CDH23: variants seen among roughly 807,000 people sequenced by gnomAD.
CDH23 encodes cadherin-23.
A neutral mutation model predicts 317.1 loss-of-function variants in CDH23; 189 were observed. The ratio of observed to expected loss-of-function variants is 0.60; its 90% CI spans 0.53 to 0.67. CDH23 has a LOEUF of 0.67. Ranked by LOEUF, CDH23 falls within the 30% of genes least tolerant of loss-of-function variation. The pLI is 0.00. For synonymous variants in CDH23, 1,839 were observed against 1,876.8 expected (o/e 0.98, Z 0.52); for missense variants, 4,401 against 4,592.4 (o/e 0.96, Z 1.20).
intron 66 of CDH23, chr10:71,812,271 C>T (rs189815217): frequency 1.1e-4 from 183 of 1,599,350 alleles, no homozygotes; most frequent in African/African-American, 1.0e-3. Flanking sequence ...AGCCTCTGCA[C>T]CAAAGGCAAT....
At chr10:71,465,254 G>T (rs757456892) in intron 3 of CDH23, among the ~76,000 whole-genome samples, 34 of 152,246 alleles carry the variant, frequency 2.2e-4, no homozygotes, top group Non-Finnish European at 4.0e-4. Context: ...GTTGCACAGC[G>T]CTGGTATAGA....
chr10:71,785,170 C>A, intron 43 of CDH23, 70 bp downstream of exon 43: 4 of 1,329,870 alleles, frequency 3.0e-6, no homozygotes, highest in Non-Finnish European at 4.2e-6. Flanking sequence ...GCCCTAGAGG[C>A]TTTTCTGCTG....
intron 9 of CDH23, among the ~76,000 whole-genome samples, chr10:71,582,014 C>T (rs111444401): frequency 8.5e-5 from 13 of 152,324 alleles, no homozygotes; most frequent in South Asian, 2.1e-4. Flanking sequence ...CTGTGGTCCT[C>T]GCCCGTGGAA....
At chr10:71,548,980 C>T (rs111276626) in intron 6 of CDH23, among the ~76,000 whole-genome samples, 95 of 152,356 alleles carry the variant, frequency 6.2e-4, no homozygotes, top group Middle Eastern at 6.8e-3. Context: ...CAAGAGCAAG[C>T]GTAATTAGTA....
chr10:71,562,365 C>T (rs553308333), intron 6 of CDH23, among the ~76,000 whole-genome samples: 68 of 152,286 alleles, frequency 4.5e-4, no homozygotes, highest in African/African-American at 1.3e-3. Context: ...TGTCTGGAGA[C>T]GGTTAAAAAG....
chr10:71,773,000 C>A (rs954752863), intron 38 of CDH23, among the ~76,000 whole-genome samples: 6 of 152,228 alleles, frequency 3.9e-5, no homozygotes, highest in Non-Finnish European at 8.8e-5. Flanking sequence ...CCAGTGATAT[C>A]CACCAGAACA....
chr10:71,537,514 A>G (rs1468588883), intron 6 of CDH23, among the ~76,000 whole-genome samples: 1 of 152,252 alleles, frequency 6.6e-6, no homozygotes, highest in Non-Finnish European at 1.5e-5. Context: ...AGCCAGGAGT[A>G]GCTTGGCCTC....
intron 69 of CDH23, among the ~76,000 whole-genome samples, chr10:71,813,622 C>T (rs1485628008): frequency 6.6e-6 from 1 of 152,038 alleles, no homozygotes; most frequent in Non-Finnish European, 1.5e-5. Context: ...CTTTAAGAAA[C>T]CCGGCTGGGT....
chr10:71,501,253 G>T (rs948595667), intron 3 of CDH23, among the ~76,000 whole-genome samples: 1 of 152,178 alleles, frequency 6.6e-6, no homozygotes, highest in Admixed American at 6.5e-5. Flanking sequence ...CAGAGTAAAT[G>T]AATGAAAACC....
rs1227697901 is a variant in CDH23 at position 71,805,965 on chromosome 10, C to T, written c.8032C>T (p.Arg2678Cys). The change falls in exon 56 of 70, where the codon CGC becomes TGC. Residue 2678 changes from arginine (R) to cysteine (C), a missense_variant. By Grantham distance (180) the Arg-to-Cys change is radical. Around this residue, in one of 3 missense-constraint regions of CDH23, gnomAD observed 1,144 missense variants for 1,138.2 expected, o/e 1.01. Transcript: ENST00000224721. ...CAGCGGCCTCATCCAGACTGCTCAG[C>T]GCCTGGACCGCGAGTCGCAGGCGGT... ...PISGLIQTAQ[R>C]LDRESQAVYS... 1.2e-6 allele frequency: 2 copies of T among 1,612,246 alleles called. No individual in the cohort carries two copies. The highest frequency in any genetic ancestry group is 1.3e-5 in the African/African-American group (1 of 74,752).
At chr10:71,574,142 C>T (rs952155104) in intron 8 of CDH23, among the ~76,000 whole-genome samples, 1 of 152,052 alleles carries the variant, frequency 6.6e-6, no homozygotes, top group Non-Finnish European at 1.5e-5. Context: ...CCTCTGCTGC[C>T]CCGGGGCCCC....
chr10:71,536,903 A>G (rs373497184), intron 6 of CDH23, among the ~76,000 whole-genome samples: 66 of 152,242 alleles, frequency 4.3e-4, no homozygotes, highest in Middle Eastern at 6.8e-3. Flanking sequence ...TCCTCTTGCC[A>G]TGGGAGACCT....
chr10:71,562,711 C>T (rs1287491148), intron 6 of CDH23, among the ~76,000 whole-genome samples: 1 of 152,210 alleles, frequency 6.6e-6, no homozygotes, highest in African/African-American at 2.4e-5. Context: ...GGGCAGGAGA[C>T]AAAGTCAGCG....
At position 71,679,237 on chromosome 10, in the gene CDH23, C is replaced by T. The variant is rs1027787775; in HGVS notation, c.1753-150C>T. ...TTGAAGCACAAGGGGTGCCTCCTGG[C>T]GTCCTGGGCCAGGACAAGACCCAGG... On this transcript the variant is annotated intron_variant, in intron 16 of 69. Transcript: ENST00000224721. The T allele has an allele frequency of 5.0e-5, 32 of 635,670 alleles. No individual in the cohort carries two copies. The African/African-American group carries it at 5.6e-4, about 11-fold the overall frequency. 39.4% of individuals were successfully genotyped at this position (635,670 alleles called of 1,614,324 possible).
rs186014355 is a variant in CDH23, at chr10:71,812,097, G to A, written c.9380+82G>A. 1,815 of 1,609,312 alleles carry A rather than the reference G, an allele frequency of 1.1e-3. 26 individuals are homozygous for A. In the Admixed American group the frequency reaches 0.027, roughly 24 times the overall value. On this transcript the variant is annotated intron_variant, in intron 66 of 69. Coordinates refer to ENST00000224721, the MANE Select transcript of CDH23 (RefSeq NM_022124.6). ...CTGGGGAGAGCTGCAGTCTCCCAGCGCTGGGGCTGCCGAAACCCAGGCTGT... is the reference window on the plus strand; with the variant it reads ...CTGGGGAGAGCTGCAGTCTCCCAGCACTGGGGCTGCCGAAACCCAGGCTGT...
chr10:71,645,599 G>T, intron 12 of CDH23: 1 of 723,690 alleles, frequency 1.4e-6, no homozygotes, highest in Non-Finnish European at 2.5e-6. Context: ...GCATCCGACA[G>T]CACAAGGAAG....
Position 71,452,825 on chromosome 10 carries a change from G to A in CDH23, c.145+6430G>A, listed in dbSNP as rs72642231. Among the ~76,000 whole-genome samples, 1,343 of 152,288 alleles carry A rather than the reference G, an allele frequency of 8.8e-3. 64 individuals carry two copies. In the East Asian group the frequency reaches 0.11, roughly 13 times the overall value. On this transcript the variant is annotated intron_variant, in intron 3 of 69. Transcript: ENST00000224721. ...AGCCTCTTGCCCGAGCCTCTATTAG[G>A]CACTTCAAGTGCATGGCCTCCTGTG... is the stretch of plus-strand genomic sequence containing the variant.
chr10:71,797,252 C>A lies in CDH23; in HGVS notation c.6829+32C>A. 2.7e-6 allele frequency: 4 copies of A among 1,474,240 alleles called. No homozygotes were observed. In the South Asian group the frequency reaches 4.7e-5, roughly 17 times the overall value. 91.3% of individuals were successfully genotyped at this position (1,474,240 alleles called of 1,614,324 possible). ...TTCCCTGCAGACATCTCTCATTGGTCACTCAGAGCCAATCAGGGCAGGGGG... is the reference window on the plus strand; with the variant it reads ...TTCCCTGCAGACATCTCTCATTGGTAACTCAGAGCCAATCAGGGCAGGGGG... On this transcript the variant is annotated intron_variant, in intron 49 of 69. Transcript: ENST00000224721.
At chr10:71,588,879 C>T (rs551396818) in intron 9 of CDH23, among the ~76,000 whole-genome samples, 7 of 152,346 alleles carry the variant, frequency 4.6e-5, no homozygotes, top group Non-Finnish European at 1.0e-4. Context: ...CCAGCATCTC[C>T]TGGGCGCCCA....
Sources: allele counts gnomAD v4.1 joint callset (sites outside exome capture counted in the v4.1 genomes callset), GRCh38; gene constraint gnomAD v4.1.1; regional missense constraint gnomAD v4.1.1; transcripts MANE v1.5; gene names NCBI Gene and HGNC (gene_info 2026-07-23, HGNC 2026-07-21).